The following FSTL5 variants were observed in gnomAD, a reference collection of about 807,000 sequenced individuals.
FSTL5 encodes follistatin-related protein 5.
A neutral mutation model predicts 89.1 loss-of-function variants in FSTL5; 62 were observed. The ratio of observed to expected loss-of-function variants is 0.70; its 90% CI spans 0.57 to 0.86. The LOEUF is 0.86. FSTL5 is among the 40% of genes least tolerant of loss of function. The pLI, the probability that FSTL5 is intolerant of heterozygous loss-of-function variation, is 0.00. For synonymous variants in FSTL5, 383 were observed against 346.2 expected, an observed-to-expected ratio of 1.11 and a Z score of -1.18; for missense variants, 1,057 against 1,001.6, an observed-to-expected ratio of 1.06 and a Z score of -0.75.
intron 4 of FSTL5, among the ~76,000 whole-genome samples, chr4:161,807,177 T>C (rs566034957): frequency 6.3e-5 from 9 of 143,326 alleles, no homozygotes; most frequent in African/African-American, 2.4e-4. Context: ...ACTACGACTA[T>C]TTGAAGAACA....
chr4:161,384,953 A>G lies in FSTL5; in HGVS notation c.*794T>C, dbSNP rs1194303496. 1 of 152,200 alleles carries G rather than the reference A, an allele frequency of 6.6e-6. No homozygotes were observed. The highest frequency in any genetic ancestry group is 1.5e-5 in the Non-Finnish European group (1 of 68,022). 9.4% of individuals were successfully genotyped at this position (152,200 alleles called of 1,614,324 possible). A position where few individuals can be genotyped will look rare whatever the true frequency, so the allele number is the denominator to read the frequency against. The stretch of plus-strand genomic sequence containing the variant: ...CAGTTGACATCCCAGACAAACTTGC[A>G]TTAAAAACATAATGCACTCTAGTGA... On this transcript the variant is annotated 3_prime_UTR_variant, in exon 16 of 16. Transcript: ENST00000306100.
chr4:161,639,499 C>G (rs1735868571), intron 7 of FSTL5, among the ~76,000 whole-genome samples: 1 of 152,042 alleles, frequency 6.6e-6, no homozygotes. Flanking sequence ...ATTATTATTG[C>G]AATTACACAG....
intron 2 of FSTL5, among the ~76,000 whole-genome samples, chr4:162,033,917 G>A (rs559646741): frequency 6.6e-5 from 10 of 152,196 alleles, no homozygotes; most frequent in African/African-American, 2.4e-4. Flanking sequence ...TCCCACCTCA[G>A]CCTCTCAAGT....
chr4:161,456,627 T>C (rs1417382984), intron 14 of FSTL5, among the ~76,000 whole-genome samples: 1 of 152,152 alleles, frequency 6.6e-6, no homozygotes, highest in Non-Finnish European at 1.5e-5. Context: ...GAATTCAGTT[T>C]CTCCAAAGGA....
intron 6 of FSTL5, among the ~76,000 whole-genome samples, chr4:161,703,039 C>T (rs1263984330): frequency 6.6e-6 from 1 of 151,936 alleles, no homozygotes; most frequent in Non-Finnish European, 1.5e-5. Context: ...TAACAAAAGA[C>T]AACAGAGATA....
At chr4:162,119,419 A>C (rs1182702397) in intron 1 of FSTL5, among the ~76,000 whole-genome samples, 1 of 152,236 alleles carries the variant, frequency 6.6e-6, no homozygotes, top group African/African-American at 2.4e-5. Context: ...AATGAATGCA[A>C]CTAGCCATGT....
chr4:161,524,952 C>T (rs1170314188), intron 10 of FSTL5, among the ~76,000 whole-genome samples: 3 of 147,170 alleles, frequency 2.0e-5, no homozygotes, highest in African/African-American at 7.6e-5. Context: ...AGCAAGACTC[C>T]ATCTCAAAAA....
At chr4:161,422,846 C>T (rs930564488) in intron 15 of FSTL5, among the ~76,000 whole-genome samples, 1 of 152,104 alleles carries the variant, frequency 6.6e-6, no homozygotes, top group African/African-American at 2.4e-5. Flanking sequence ...GGCCTATGGA[C>T]CGAAAACACA....
intron 6 of FSTL5, among the ~76,000 whole-genome samples, chr4:161,750,798 C>T (rs1342278653): frequency 2.6e-5 from 4 of 152,076 alleles, no homozygotes; most frequent in Non-Finnish European, 5.9e-5. Context: ...GATTACTATA[C>T]TGTAATCAGT....
chr4:161,473,655 C>T (rs1734026526), intron 13 of FSTL5, among the ~76,000 whole-genome samples: 1 of 152,102 alleles, frequency 6.6e-6, no homozygotes, highest in South Asian at 2.1e-4. Context: ...AGGTCTTGAA[C>T]TCCTGGGGCC....
At chr4:161,539,493 C>A (rs1230744495) in intron 9 of FSTL5, among the ~76,000 whole-genome samples, 2 of 152,024 alleles carry the variant, frequency 1.3e-5, no homozygotes. Context: ...ACTACACACC[C>A]TCATTCCCCA....
At chr4:161,770,146 G>A (rs1030066647) in intron 5 of FSTL5, among the ~76,000 whole-genome samples, 1 of 151,994 alleles carries the variant, frequency 6.6e-6, no homozygotes, top group African/African-American at 2.4e-5. Context: ...TTACTTATTT[G>A]TGGGAGCTAC....
At chr4:161,418,514 T>C (rs1731866145) in intron 15 of FSTL5, among the ~76,000 whole-genome samples, 1 of 152,170 alleles carries the variant, frequency 6.6e-6, no homozygotes, top group African/African-American at 2.4e-5. Context: ...CCACCACCAT[T>C]ACGACAGTGA....
At chr4:161,985,899 G>T (rs1735950697) in intron 3 of FSTL5, among the ~76,000 whole-genome samples, 1 of 152,034 alleles carries the variant, frequency 6.6e-6, no homozygotes, top group Non-Finnish European at 1.5e-5. Context: ...TGCATTCCTT[G>T]AAATGTGGAG....
chr4:161,466,353 T>A (rs1365641498), intron 13 of FSTL5, among the ~76,000 whole-genome samples: 1 of 152,214 alleles, frequency 6.6e-6, no homozygotes, highest in Non-Finnish European at 1.5e-5. Context: ...TATCAACTTC[T>A]AAATTTGAAA....
intron 7 of FSTL5, among the ~76,000 whole-genome samples, chr4:161,640,546 T>C (rs1490781831): frequency 1.3e-5 from 2 of 152,084 alleles, no homozygotes; most frequent in Non-Finnish European, 2.9e-5. Flanking sequence ...GGGATTCAAA[T>C]GCAGATTTTA....
chr4:162,141,156 G>T lies in FSTL5; in HGVS notation c.-17+22459C>A, dbSNP rs375073328. 1.4e-3 allele frequency among the ~76,000 whole-genome samples: 86 copies of T among 60,720 alleles called. 10 individuals carry two copies. The highest frequency in any genetic ancestry group is 2.8e-4 in the Non-Finnish European group (9 of 31,838). The allele number at this position is 60,720 out of a possible 152,430, so 39.8% of individuals were successfully genotyped here. A position where few individuals can be genotyped will look rare whatever the true frequency, so the allele number is the denominator to read the frequency against. ...TTTTGAGACGGAGTTTCGCTCTGTC[G>T]CCCAGGCTGGAGTGCAGTGGCGCGA... On this transcript the variant is annotated intron_variant, in intron 1 of 15. Transcript: ENST00000306100.
At position 162,146,164 on chromosome 4, in the gene FSTL5, G is replaced by A. The variant is rs531938030; in HGVS notation, c.-17+17451C>T. 6.6e-5 allele frequency among the ~76,000 whole-genome samples: 10 copies of A among 152,060 alleles called. No homozygotes were observed. In the South Asian group the frequency reaches 2.1e-3, roughly 31 times the overall value. Reference sequence around the variant, plus strand: ...CTTAACCAATTAAGCACCCAATGTTGTTTTCTTTCTAACACTTGAATGGAG... The same window carrying A: ...CTTAACCAATTAAGCACCCAATGTTATTTTCTTTCTAACACTTGAATGGAG... On this transcript the variant is annotated intron_variant, in intron 1 of 15. Coordinates refer to ENST00000306100, the MANE Select transcript of FSTL5 (RefSeq NM_020116.5).
At chr4:162,057,879 G>A (rs1738598193) in intron 2 of FSTL5, among the ~76,000 whole-genome samples, 1 of 152,090 alleles carries the variant, frequency 6.6e-6, no homozygotes, top group Non-Finnish European at 1.5e-5. Context: ...GGGAGACGGA[G>A]GTTGCAGTGA....
Sources: allele counts gnomAD v4.1 joint callset (sites outside exome capture counted in the v4.1 genomes callset), GRCh38; gene constraint gnomAD v4.1.1; transcripts MANE v1.5; gene names NCBI Gene and HGNC (gene_info 2026-07-23, HGNC 2026-07-21).